Variants in NXPE2 observed in about 807,000 individuals in gnomAD.
NXPE2 encodes NXPE family member 2.
In NXPE2, 34 loss-of-function variants were observed where a neutral mutation model predicts 34.4. The ratio of observed to expected loss-of-function variants is 0.99; its 90% CI spans 0.75 to 1.31. NXPE2 has a LOEUF of 1.31. Among genes scored for constraint, NXPE2 ranks in the 40% most tolerant of loss-of-function variants. NXPE2 has a pLI of 0.00. For synonymous variants in NXPE2, 235 were observed against 231.3 expected (o/e 1.02, Z -0.15); for missense variants, 649 against 672.5 (o/e 0.97, Z 0.39).
the NXPE2 span, among the ~76,000 whole-genome samples, chr11:114,739,295 C>T: frequency 3.1e-5 from 1 of 31,966 alleles, no homozygotes; most frequent in East Asian, 7.7e-4. Flanking sequence ...TTCCTTCCTT[C>T]CTTCCTTCCT....
At chr11:114,546,982 A>C in the NXPE2 span, among the ~76,000 whole-genome samples, 1 of 152,204 alleles carries the variant, frequency 6.6e-6, no homozygotes, top group Non-Finnish European at 1.5e-5. Flanking sequence ...GAATAAACAA[A>C]TATGTAAGGG....
At chr11:114,645,683 A>T in the NXPE2 span, among the ~76,000 whole-genome samples, 4 of 152,236 alleles carry the variant, frequency 2.6e-5, no homozygotes, top group African/African-American at 9.6e-5. Context: ...GGGAAAGAAA[A>T]CCCAAAAGAA....
chr11:114,486,998 G>A, the NXPE2 span, among the ~76,000 whole-genome samples: 10 of 151,736 alleles, frequency 6.6e-5, no homozygotes, highest in Admixed American at 2.0e-4. Flanking sequence ...GTGGTATTAT[G>A]TACATTTTAG....
chr11:114,728,315 T>A, the NXPE2 span, among the ~76,000 whole-genome samples: 1 of 152,048 alleles, frequency 6.6e-6, no homozygotes, highest in African/African-American at 2.4e-5. Flanking sequence ...GATTAGGGCA[T>A]AGACATCTTT....
chr11:114,625,756 T>A, the NXPE2 span, among the ~76,000 whole-genome samples: 6 of 152,168 alleles, frequency 3.9e-5, no homozygotes, highest in Non-Finnish European at 8.8e-5. Context: ...CATTTCCATC[T>A]GAGGTACCAG....
At chr11:114,584,047 C>T in the NXPE2 span, 3 of 325,776 alleles carry the variant, frequency 9.2e-6, no homozygotes, top group Admixed American at 1.1e-4. Context: ...GCTCAGATGC[C>T]TTGTCTAGGG....
chr11:114,773,288 C>CCCCCCCCG, the NXPE2 span, among the ~76,000 whole-genome samples: 5 of 95,904 alleles, frequency 5.2e-5, no homozygotes, highest in Non-Finnish European at 8.7e-5. Context: ...CACCCCCCCC[C>CCCCCCCCG]CACCCCATTC....
the NXPE2 span, among the ~76,000 whole-genome samples, chr11:114,813,301 C>A: frequency 6.6e-6 from 1 of 152,224 alleles, no homozygotes; most frequent in Non-Finnish European, 1.5e-5. Flanking sequence ...CAGGTAGCTG[C>A]TCCCAGCTTC....
chr11:114,789,166 A>G, the NXPE2 span, among the ~76,000 whole-genome samples: 16 of 152,304 alleles, frequency 1.1e-4, no homozygotes, highest in East Asian at 3.1e-3. Context: ...GATTGCTAAG[A>G]GAGTAGATTT....
chr11:114,629,019 G>A, the NXPE2 span, among the ~76,000 whole-genome samples: 225 of 152,104 alleles, frequency 1.5e-3, no homozygotes, highest in Non-Finnish European at 2.6e-3. Flanking sequence ...CTGAAATTGT[G>A]GCAATAATCA....
At chr11:114,628,816 G>A in the NXPE2 span, among the ~76,000 whole-genome samples, 37 of 151,554 alleles carry the variant, frequency 2.4e-4, no homozygotes, top group Admixed American at 8.6e-4. Context: ...TCAAATAGAC[G>A]CAATAAAAAA....
the NXPE2 span, chr11:114,518,317 T>C: frequency 3.3e-5 from 5 of 152,324 alleles, no homozygotes; most frequent in African/African-American, 4.8e-5. Flanking sequence ...CATTGCTCTG[T>C]GCTCTAAGTG....
chr11:114,499,766 C>T, the NXPE2 span, among the ~76,000 whole-genome samples: 2 of 152,152 alleles, frequency 1.3e-5, no homozygotes, highest in Admixed American at 6.5e-5. Context: ...CTCATGTCAC[C>T]TTCCAGTCAG....
the NXPE2 span, among the ~76,000 whole-genome samples, chr11:114,747,911 C>T: frequency 6.6e-6 from 1 of 152,188 alleles, no homozygotes; most frequent in African/African-American, 2.4e-5. Context: ...CAATGGATTG[C>T]TTGACTGTAT....
the NXPE2 span, among the ~76,000 whole-genome samples, chr11:114,596,144 G>A: frequency 1.3e-5 from 2 of 152,248 alleles, no homozygotes; most frequent in African/African-American, 4.8e-5. Flanking sequence ...ATTCAAGTGC[G>A]TATTATCTCA....
At chr11:114,573,561 T>C in the NXPE2 span, among the ~76,000 whole-genome samples, 1 of 151,400 alleles carries the variant, frequency 6.6e-6, no homozygotes, top group Admixed American at 6.6e-5. Flanking sequence ...CAAGCAGGAG[T>C]AGCAATTCTT....
At chr11:114,675,125 A>C (rs1591421117), upstream of NXPE2, among the ~76,000 whole-genome samples, 1 of 151,752 alleles carries the variant, frequency 6.6e-6, no homozygotes. Flanking sequence ...AAACTCTAAA[A>C]AATTGAGTAT....
the NXPE2 span, among the ~76,000 whole-genome samples, chr11:114,556,346 A>T: frequency 0.59 from 88,988 of 152,016 alleles, 27,360 homozygotes; most frequent in African/African-American, 0.79. Context: ...CTTATTCAGC[A>T]GTTGTTCTGT....
rs1329549219 is a variant in NXPE2 at position 114,706,947 on chromosome 11, T to A, written c.*17T>A. 9.2e-6 allele frequency: 14 copies of A among 1,522,654 alleles called. No homozygotes were observed. The Admixed American group carries it at 2.6e-4, about 29-fold the overall frequency. The allele number at this position is 1,522,654 out of a possible 1,614,324, so 94.3% of individuals were successfully genotyped here. A position where few individuals can be genotyped will look rare whatever the true frequency, so the allele number is the denominator to read the frequency against. ...ATTTGTTAGAGGAAAAATACAAAAATAGCACTAGCCACTTTCTATAGATGA... is the reference window on the plus strand; with the variant it reads ...ATTTGTTAGAGGAAAAATACAAAAAAAGCACTAGCCACTTTCTATAGATGA... On this transcript the variant is annotated 3_prime_UTR_variant, in exon 6 of 6. Coordinates refer to ENST00000389586, the MANE Select transcript of NXPE2 (RefSeq NM_182495.6).
Sources: allele counts gnomAD v4.1 joint callset (sites outside exome capture counted in the v4.1 genomes callset), GRCh38; gene constraint gnomAD v4.1.1; transcripts MANE v1.5; gene names NCBI Gene and HGNC (gene_info 2026-07-23, HGNC 2026-07-21).